TAAR2: variants seen among roughly 807,000 people sequenced by gnomAD.
TAAR2 encodes trace amine associated receptor 2.
TAAR2 carries 30 observed loss-of-function variants against 25.5 expected under a neutral mutation model. That is an observed-to-expected ratio of 1.18 (90% CI 0.88 to 1.60). The LOEUF (loss-of-function observed/expected upper bound fraction) is 1.60, where lower values mean the gene tolerates loss of function less well. TAAR2 is among the 40% of genes most tolerant of loss of function. TAAR2 has a pLI of 0.00. For synonymous variants in TAAR2, 150 were observed against 142.4 expected (o/e 1.05, Z -0.38); for missense variants, 481 against 416.5 (o/e 1.15, Z -1.35).
In TAAR2 at chr6:132,617,989, G is replaced by A; in HGVS notation, c.217C>T (p.Gln73Ter). 6.2e-7 allele frequency: 1 copy of A among 1,614,010 alleles called. No homozygotes were observed. Among genetic ancestry groups the A allele is most frequent in the Non-Finnish European group, 8.5e-7 (1 of 1,179,938 alleles). The change falls in exon 2 of 2, where the codon CAG (glutamine) becomes TAG (stop). Residue 73 changes from glutamine to a stop codon, truncating the protein, a stop_gained. Transcript: ENST00000367931. LOFTEE classifies it high-confidence loss of function. ...AMIISISYFKQLHTPTNFLIL... is the reference protein window; with the variant it reads ...AMIISISYFK ...AGGAAGTTGGTTGGTGTGTGAAGCT[G>A]CTTGAAGTAGGAAATGGAAATTATC...
rs890346843 is a variant in TAAR2 at position 132,621,839 on chromosome 6, C to G, written c.60+2377G>C. ...ATATCAGATGATTATTTGATGAATTCATCAAATAATAATTTTAATCCCATT... is the reference window on the plus strand; with the variant it reads ...ATATCAGATGATTATTTGATGAATTGATCAAATAATAATTTTAATCCCATT... On this transcript the variant is annotated intron_variant, in intron 1 of 1. Transcript: ENST00000367931. Among the ~76,000 whole-genome samples, 8 of 152,174 alleles carry G rather than the reference C, an allele frequency of 5.3e-5. No homozygotes were observed. The East Asian group carries it at 1.4e-3, about 26-fold the overall frequency.
At chr6:132,623,834 G>C (rs17061534) in intron 1 of TAAR2, among the ~76,000 whole-genome samples, 12,867 of 151,962 alleles carry the variant, frequency 0.085, 612 homozygotes, top group Middle Eastern at 0.19. Context: ...AGCATTTAAG[G>C]CTCTAAGTCT....
chr6:132,619,831 A>G (rs1777351176), intron 1 of TAAR2, among the ~76,000 whole-genome samples: 1 of 152,194 alleles, frequency 6.6e-6, no homozygotes, highest in Admixed American at 6.5e-5. Context: ...TCTGGGTCTC[A>G]ATGGGTGAGT....
chr6:132,622,614 T>G (rs1328082599), intron 1 of TAAR2, among the ~76,000 whole-genome samples: 5 of 151,324 alleles, frequency 3.3e-5, no homozygotes, highest in Non-Finnish European at 4.4e-5. Flanking sequence ...GCTTCCTGAG[T>G]AGCTGGGACT....
Position 132,617,616 on chromosome 6 carries a change from C to G in TAAR2, c.590G>C (p.Cys197Ser). 1 of 1,613,998 alleles carries G rather than the reference C, an allele frequency of 6.2e-7. No homozygotes were observed. The highest frequency in any genetic ancestry group is 8.5e-7 in the Non-Finnish European group (1 of 1,179,964). The change falls in exon 2 of 2, where the codon TGT becomes TCT. Residue 197 changes from cysteine (C) to serine (S), a missense_variant. Physicochemically the swap from Cys to Ser is moderately radical, Grantham distance 112 (BLOSUM62 -1). Coordinates refer to ENST00000367931, the MANE Select transcript of TAAR2 (RefSeq NM_001033080.1). Reference sequence around the variant, plus strand: ...GAACATCACTGGGCAGGAACTGGAACAAGCAACCAAGATGTCATAGCCCTC... The same window carrying G: ...GAACATCACTGGGCAGGAACTGGAAGAAGCAACCAAGATGTCATAGCCCTC... ...GIEGYDILVA[C>S]SSSCPVMFNK... is the part of the protein sequence containing the mutation.
intron 1 of TAAR2, among the ~76,000 whole-genome samples, chr6:132,620,673 G>T (rs1323352266): frequency 1.3e-5 from 2 of 151,984 alleles, no homozygotes; most frequent in Admixed American, 1.3e-4. Context: ...GATAACTATT[G>T]GGTACTGGGC....
chr6:132,620,123 A>C (rs1777354031), intron 1 of TAAR2, among the ~76,000 whole-genome samples: 1 of 152,226 alleles, frequency 6.6e-6, no homozygotes, highest in African/African-American at 2.4e-5. Flanking sequence ...TAAAGTAATT[A>C]AGTTAGTTAC....
intron 1 of TAAR2, among the ~76,000 whole-genome samples, chr6:132,621,744 G>A (rs1471290926): frequency 6.6e-6 from 1 of 152,072 alleles, no homozygotes; most frequent in Non-Finnish European, 1.5e-5. Flanking sequence ...TAACGTTCTT[G>A]AAACACATAA....
intron 1 of TAAR2, among the ~76,000 whole-genome samples, chr6:132,621,731 T>G (rs1562195882): frequency 2.0e-5 from 3 of 152,324 alleles, no homozygotes; most frequent in South Asian, 4.1e-4. Flanking sequence ...TAGTTCTAAG[T>G]ACTAACGTTC....
intron 1 of TAAR2, among the ~76,000 whole-genome samples, chr6:132,621,327 A>G (rs1341218948): frequency 3.3e-5 from 5 of 152,132 alleles, no homozygotes; most frequent in Admixed American, 3.3e-4. Flanking sequence ...TACATGTGCC[A>G]TGGTGGTTTG....
rs777442751 is a variant in TAAR2 at position 132,617,493 on chromosome 6, T to G, written c.713A>C (p.Lys238Thr). The G allele has an allele frequency of 1.2e-6, 2 of 1,614,054 alleles. No individual in the cohort carries two copies. Among genetic ancestry groups the G allele is most frequent in the South Asian group, 2.2e-5 (2 of 91,084 alleles). Residue 238 changes from lysine to threonine, a missense_variant, in exon 2 of 2, where the codon AAA (lysine) becomes ACA (threonine). By Grantham distance (78) the Lys-to-Thr change is moderately conservative. Transcript: ENST00000367931. ...IYGKIFAVSRKHAHAINNLRE... is the reference protein window; with the variant it reads ...IYGKIFAVSRTHAHAINNLRE... ...CAAGTTATTGATGGCATGAGCATGT[T>G]TTCTGGATACTGCAAAAATTTTGCC... is the stretch of plus-strand genomic sequence containing the variant.
At position 132,617,684 on chromosome 6, in the gene TAAR2, A is replaced by C; in HGVS notation, c.522T>G (p.Phe174Leu). ...CCTCTGAGAAGACCACCCCGAAGGC[A>C]AATGCTCCAGGGACCGACCAACATA... ...LLLCWSVPGA[F>L]AFGVVFSEAY... Residue 174 changes from phenylalanine (F) to leucine (L), a missense_variant, in exon 2 of 2, where the codon TTT (phenylalanine) becomes TTG (leucine). Coordinates refer to ENST00000367931, the MANE Select transcript of TAAR2 (RefSeq NM_001033080.1). The C allele has an allele frequency of 6.2e-7, 1 of 1,613,938 alleles. No individual in the cohort carries two copies. The highest frequency in any genetic ancestry group is 8.5e-7 in the Non-Finnish European group (1 of 1,179,982).
intron 1 of TAAR2, among the ~76,000 whole-genome samples, chr6:132,619,115 T>C (rs1331598236): frequency 6.6e-6 from 1 of 152,136 alleles, no homozygotes. Flanking sequence ...CAGTTACTTG[T>C]GAAGAGCAAG....
In TAAR2 at chr6:132,623,760, A is replaced by T. The variant is rs181805583; in HGVS notation, c.60+456T>A. On this transcript the variant is annotated intron_variant, in intron 1 of 1. Coordinates refer to ENST00000367931, the MANE Select transcript of TAAR2 (RefSeq NM_001033080.1). The stretch of plus-strand genomic sequence containing the variant: ...TGTCATTCAAAAGTTTAACAGCTCA[A>T]TGAGCTTAAACCACTCCTCCATCCT... 5.3e-5 allele frequency among the ~76,000 whole-genome samples: 8 copies of T among 152,100 alleles called. No individual in the cohort carries two copies. The East Asian group carries it at 1.2e-3, about 22-fold the overall frequency.
intron 1 of TAAR2, among the ~76,000 whole-genome samples, chr6:132,620,122 T>G (rs541886417): frequency 6.6e-6 from 1 of 152,268 alleles, no homozygotes; most frequent in South Asian, 2.1e-4. Context: ...TTAAAGTAAT[T>G]AAGTTAGTTA....
chr6:132,617,583 A>G lies in TAAR2; in HGVS notation c.623T>C (p.Leu208Pro), dbSNP rs1777313424. The change falls in exon 2 of 2, where the codon CTA (leucine) becomes CCA (proline). Residue 208 changes from leucine to proline, a missense_variant. By Grantham distance (98) the Leu-to-Pro change is moderately conservative. Coordinates refer to ENST00000367931, the MANE Select transcript of TAAR2 (RefSeq NM_001033080.1). Reference sequence around the variant, plus strand: ...TGCCATAAACAAGGTGGTCCCCCATAGCTTGTTGAACATCACTGGGCAGGA... The same window carrying G: ...TGCCATAAACAAGGTGGTCCCCCATGGCTTGTTGAACATCACTGGGCAGGA... Reference protein sequence around the residue: ...SSSCPVMFNKLWGTTLFMAGF... With the variant: ...SSSCPVMFNKPWGTTLFMAGF... The G allele has an allele frequency of 6.2e-7, 1 of 1,613,968 alleles. No individual in the cohort carries two copies. Among genetic ancestry groups the G allele is most frequent in the Admixed American group, 1.7e-5 (1 of 59,990 alleles).
chr6:132,617,538 G>C lies in TAAR2; in HGVS notation c.668C>G (p.Ser223Cys), dbSNP rs770782356. 1 of 1,613,894 alleles carries C rather than the reference G, an allele frequency of 6.2e-7. No individual in the cohort carries two copies. The highest frequency in any genetic ancestry group is 2.2e-5 in the East Asian group (1 of 44,816). ...TTTGCCATAAATCCCCACCATCATA[G>C]ACCCAGGAGTGAAGAAACCTGCCAT... ...LFMAGFFTPG[S>C]MMVGIYGKIF... Residue 223 changes from serine (S) to cysteine (C), a missense_variant, in exon 2 of 2, where the codon TCT becomes TGT. Transcript: ENST00000367931.
Position 132,617,391 on chromosome 6 carries a change from AAG to A in TAAR2, c.813_814del (p.Leu272IlefsTer26). The A allele has an allele frequency of 6.2e-7, 1 of 1,613,820 alleles. No individual in the cohort carries two copies. Among genetic ancestry groups the A allele is most frequent in the Non-Finnish European group, 8.5e-7 (1 of 1,179,914 alleles). On this transcript the variant is annotated frameshift_variant, in exon 2 of 2. Transcript: ENST00000367931. LOFTEE classifies it high-confidence loss of function. ...GAAGAAACAAGGAAACCAACATAAT[AAG>A]AAAACTCCTATCACTATTCCTAAAG...
intron 1 of TAAR2, among the ~76,000 whole-genome samples, chr6:132,618,993 C>A (rs531789508): frequency 6.6e-6 from 1 of 152,150 alleles, no homozygotes; most frequent in Admixed American, 6.5e-5. Context: ...CTAATGACCT[C>A]TAATTATCTG....
Sources: allele counts gnomAD v4.1 joint callset (sites outside exome capture counted in the v4.1 genomes callset), GRCh38; gene constraint gnomAD v4.1.1; transcripts MANE v1.5; gene names NCBI Gene and HGNC (gene_info 2026-07-23, HGNC 2026-07-21).